LHX2: variants seen among roughly 807,000 people sequenced by gnomAD.
The protein encoded by LHX2 is LIM/homeobox protein Lhx2.
In LHX2, 6 loss-of-function variants were observed where a neutral mutation model predicts 33.0. The ratio of observed to expected loss-of-function variants is 0.18; its 90% CI spans 0.10 to 0.36. The LOEUF (loss-of-function observed/expected upper bound fraction) is 0.36. Among genes scored for constraint, LHX2 ranks in the 10% least tolerant of loss-of-function variants. LHX2 has a pLI of 1.00. For synonymous variants in LHX2, 292 were observed against 253.1 expected (o/e 1.15, Z -1.46); for missense variants, 442 against 586.2 (o/e 0.75, Z 2.54).
At chr9:124,029,220 G>A (rs1172670065) in intron 4 of LHX2, among the ~76,000 whole-genome samples, 1 of 152,192 alleles carries the variant, frequency 6.6e-6, no homozygotes, top group South Asian at 2.1e-4. Context: ...CTGTGGCAGT[G>A]CATGCTGGAG....
At chr9:124,020,270 T>C (rs1157277274) in intron 3 of LHX2, among the ~76,000 whole-genome samples, 1 of 152,130 alleles carries the variant, frequency 6.6e-6, no homozygotes, top group Admixed American at 6.6e-5. Flanking sequence ...CATGTTTATT[T>C]CTGCCTCGGA....
rs770110203 is a variant in LHX2 at position 124,015,254 on chromosome 9, G to A, written c.456G>A (p.Thr152=). The A allele has an allele frequency of 5.0e-6, 8 of 1,614,044 alleles. No individual in the cohort carries two copies. The highest frequency in any genetic ancestry group is 5.9e-6 in the Non-Finnish European group (7 of 1,180,042). ...TCTTCNKMLT[T]GDHFGMKDSL... ...CCACGTGTAACAAGATGCTGACCACGGGCGACCACTTCGGCATGAAGGACA... is the reference window on the plus strand; with the variant it reads ...CCACGTGTAACAAGATGCTGACCACAGGCGACCACTTCGGCATGAAGGACA... The change falls in exon 3 of 5, where the codon ACG becomes ACA. Residue 152 remains threonine (T), a synonymous_variant. Coordinates refer to ENST00000373615, the MANE Select transcript of LHX2 (RefSeq NM_004789.4). The surrounding 1 kb of genome is among the most constrained non-coding windows in gnomAD (Gnocchi z 7.9).
At chr9:124,020,519 C>T (rs1256828661) in intron 3 of LHX2, among the ~76,000 whole-genome samples, 1 of 152,088 alleles carries the variant, frequency 6.6e-6, no homozygotes, top group Admixed American at 6.6e-5. Flanking sequence ...TTTCTAGGTG[C>T]CGGTCCCAGA....
rs887606540 is a variant in LHX2 at position 124,015,523 on chromosome 9, C to T, written c.725C>T (p.Ala242Val). 2.1e-6 allele frequency: 3 copies of T among 1,459,158 alleles called. No homozygotes were observed. Among genetic ancestry groups the T allele is most frequent in the South Asian group, 2.9e-5 (2 of 68,876 alleles). The allele number at this position is 1,459,158 out of a possible 1,614,324, so 90.4% of individuals were successfully genotyped here. ...GGTGCGGATCTGGCGGCCTACAACG[C>T]TGGTGAGTGCGCGGCGCACGAAGCG... Reference protein sequence around the residue: ...GPGADLAAYNAALSCNENDAE... With the variant: ...GPGADLAAYNVALSCNENDAE... The change falls in exon 3 of 5, where the codon GCT becomes GTT. Residue 242 changes from alanine to valine, a missense_variant and splice_region_variant. Coordinates refer to ENST00000373615, the MANE Select transcript of LHX2 (RefSeq NM_004789.4). This position sits in a 1 kb window ranked among gnomAD's most constrained non-coding sequence, Gnocchi z 7.9.
At position 124,012,291 on chromosome 9, in the gene LHX2, C is replaced by CG. The variant is rs1859104298; in HGVS notation, c.-52dup. On this transcript the variant is annotated 5_prime_UTR_variant, in exon 1 of 5. Transcript: ENST00000373615. This position sits in a 1 kb window ranked among gnomAD's most constrained non-coding sequence, Gnocchi z 4.3. ...CGCCAGGAGCGCCAGGCAGCTGAGG[C>CG]GGGGGGCAAGCCCTCCCTCGGAGGA... is the stretch of plus-strand genomic sequence containing the variant. The CG allele has an allele frequency of 3.7e-5, 53 of 1,436,428 alleles. No individual in the cohort carries two copies. The highest frequency in any genetic ancestry group is 2.5e-4 in the Middle Eastern group (1 of 4,014). The allele number at this position is 1,436,428 out of a possible 1,614,324, so 89.0% of individuals were successfully genotyped here. A position where few individuals can be genotyped will look rare whatever the true frequency, so the allele number is the denominator to read the frequency against.
chr9:124,014,618 A>T lies in LHX2; in HGVS notation c.323+455A>T, dbSNP rs890773671. On this transcript the variant is annotated intron_variant, in intron 2 of 4. Transcript: ENST00000373615. This position sits in a 1 kb window ranked among gnomAD's most constrained non-coding sequence, Gnocchi z 4.8. ...AAAATGGGAATGAAAGGTGGCCAAG[A>T]TCAAAGAACCAGAATCACTAGTAGA... Among the ~76,000 whole-genome samples, 2 of 152,200 alleles carry T rather than the reference A, an allele frequency of 1.3e-5. No homozygotes were observed. Among genetic ancestry groups the T allele is most frequent in the African/African-American group, 4.8e-5 (2 of 41,442 alleles).
intron 4 of LHX2, among the ~76,000 whole-genome samples, chr9:124,028,501 A>G (rs1037927361): frequency 6.6e-6 from 1 of 152,114 alleles, no homozygotes; most frequent in African/African-American, 2.4e-5. Context: ...AGCCATAGAG[A>G]TCGTATGATG....
chr9:124,021,054 G>A (rs1315232501), intron 3 of LHX2, 45 bp from the exon 4 acceptor site: 11 of 1,581,046 alleles, frequency 7.0e-6, no homozygotes, highest in Non-Finnish European at 9.6e-6. Flanking sequence ...TGGCATGGGG[G>A]GCGGGTCAGG....
chr9:124,013,988 G>T lies in LHX2; in HGVS notation c.148G>T (p.Ala50Ser). ...CATGCCGTCCATCAGCAGTGACCGC[G>T]CCGCGCTGTGCGCCGGCTGCGGGGG... ...TTMPSISSDRAALCAGCGGKI... is the reference protein window; with the variant it reads ...TTMPSISSDRSALCAGCGGKI... Residue 50 changes from alanine (A) to serine (S), a missense_variant, in exon 2 of 5, where the codon GCC becomes TCC. Coordinates refer to ENST00000373615, the MANE Select transcript of LHX2 (RefSeq NM_004789.4). 6.2e-7 allele frequency: 1 copy of T among 1,613,184 alleles called. No homozygotes were observed. Among genetic ancestry groups the T allele is most frequent in the Non-Finnish European group, 8.5e-7 (1 of 1,179,982 alleles).
intron 4 of LHX2, among the ~76,000 whole-genome samples, chr9:124,027,628 C>T (rs1156305199): frequency 6.6e-6 from 1 of 152,114 alleles, no homozygotes; most frequent in East Asian, 1.9e-4. Context: ...ACCATCCTGG[C>T]TAATACAGTG....
At chr9:124,027,554 C>G (rs527638450) in intron 4 of LHX2, among the ~76,000 whole-genome samples, 1 of 152,290 alleles carries the variant, frequency 6.6e-6, no homozygotes, top group African/African-American at 2.4e-5. Flanking sequence ...TGTGGTGTCT[C>G]CTGCCTGTAA....
Position 124,014,287 on chromosome 9 carries a change from T to TCCCCCC in LHX2, c.323+127_323+132dup, listed in dbSNP as rs369078188. ...GGTTCACTACTCAGGACTCCCCCGC[T>TCCCCCC]CCCCCCCCAAGTTCTCCAAGCCACC... is the stretch of plus-strand genomic sequence containing the variant. On this transcript the variant is annotated intron_variant, in intron 2 of 4. Coordinates refer to ENST00000373615, the MANE Select transcript of LHX2 (RefSeq NM_004789.4). This position sits in a 1 kb window ranked among gnomAD's most constrained non-coding sequence, Gnocchi z 4.8. 4 of 587,756 alleles carry TCCCCCC rather than the reference T, an allele frequency of 6.8e-6. No individual in the cohort carries two copies. The highest frequency in any genetic ancestry group is 4.1e-5 in the African/African-American group (2 of 48,830). 36.4% of individuals were successfully genotyped at this position (587,756 alleles called of 1,614,324 possible).
In LHX2 at chr9:124,032,749, ATTATCT is replaced by A. The variant is rs769126288; in HGVS notation, c.*46_*51del. The A allele has an allele frequency of 1.7e-5, 26 of 1,511,946 alleles. No individual in the cohort carries two copies. The highest frequency in any genetic ancestry group is 1.6e-4 in the Admixed American group (7 of 45,086). 93.7% of individuals were successfully genotyped at this position (1,511,946 alleles called of 1,614,324 possible). ...ACCCCACAATTTCTTTAAAAAAGAA[ATTATCT>A]TTAGTTGAATTCCAAGTGTATTTTA... On this transcript the variant is annotated 3_prime_UTR_variant, in exon 5 of 5. Transcript: ENST00000373615. The surrounding 1 kb of genome is among the most constrained non-coding windows in gnomAD (Gnocchi z 4.1).
chr9:124,013,892 G>T, intron 1 of LHX2, 69 bp from the exon 2 acceptor site: 1 of 1,487,116 alleles, frequency 6.7e-7, no homozygotes, highest in Non-Finnish European at 9.2e-7. Flanking sequence ...GTGGGTGCCG[G>T]TTTCCCGGCG....
intron 3 of LHX2, 101 bp from the exon 4 acceptor site, chr9:124,020,998 G>C: frequency 2.0e-6 from 2 of 1,012,776 alleles, no homozygotes; most frequent in Middle Eastern, 2.2e-4. Context: ...CATGCAGCAG[G>C]GTTAAGGATT....
Position 124,014,196 on chromosome 9 carries a change from C to A in LHX2, c.323+33C>A. 2 of 1,404,656 alleles carry A rather than the reference C, an allele frequency of 1.4e-6. No homozygotes were observed. Among genetic ancestry groups the A allele is most frequent in the South Asian group, 1.2e-5 (1 of 86,230 alleles). 87.0% of individuals were successfully genotyped at this position (1,404,656 alleles called of 1,614,324 possible). On this transcript the variant is annotated intron_variant, in intron 2 of 4. Transcript: ENST00000373615. The surrounding 1 kb of genome is among the most constrained non-coding windows in gnomAD (Gnocchi z 4.8). ...CCCCACCCAACTGCCCCTCAGGACC[C>A]CTCCCCCCAATCTCAGGCACAGTCT...
rs1473543576 is a variant in LHX2 at position 124,016,734 on chromosome 9, C to T, written c.727+1209C>T. Among the ~76,000 whole-genome samples the T allele has an allele frequency of 6.6e-6, 1 of 152,114 alleles. No homozygotes were observed. The highest frequency in any genetic ancestry group is 1.5e-5 in the Non-Finnish European group (1 of 68,016). ...TGCGGAACTGGGAGGAAAACGCAGC[C>T]CCCAGTTTGGTAAATGGTGAAGCAG... On this transcript the variant is annotated intron_variant, in intron 3 of 4. Transcript: ENST00000373615. The surrounding 1 kb of genome is among the most constrained non-coding windows in gnomAD (Gnocchi z 4.4).
At position 124,015,426 on chromosome 9, in the gene LHX2, G is replaced by C; in HGVS notation, c.628G>C (p.Gly210Arg). Residue 210 changes from glycine (G) to arginine (R), a missense_variant, in exon 3 of 5, where the codon GGT becomes CGT. Coordinates refer to ENST00000373615, the MANE Select transcript of LHX2 (RefSeq NM_004789.4). This position sits in a 1 kb window ranked among gnomAD's most constrained non-coding sequence, Gnocchi z 7.9. The stretch of plus-strand genomic sequence containing the variant: ...GGGCGCAGCAGGGGCCAACCCTCTG[G>C]GTCTTCCCTACTACAATGGCGTGGG... ...GLGAAGANPL[G>R]LPYYNGVGTV... The C allele has an allele frequency of 6.3e-7, 1 of 1,596,998 alleles. No individual in the cohort carries two copies. The highest frequency in any genetic ancestry group is 8.5e-7 in the Non-Finnish European group (1 of 1,171,838).
intron 4 of LHX2, among the ~76,000 whole-genome samples, chr9:124,027,793 G>C (rs1011622028): frequency 5.9e-5 from 9 of 151,950 alleles, no homozygotes; most frequent in Admixed American, 4.6e-4. Context: ...ACTCCAGCCT[G>C]GGCAACAGAG....
Sources: allele counts gnomAD v4.1 joint callset (sites outside exome capture counted in the v4.1 genomes callset), GRCh38; gene constraint gnomAD v4.1.1; non-coding constraint Gnocchi (gnomAD v3.1); transcripts MANE v1.5; gene names NCBI Gene and HGNC (gene_info 2026-07-23, HGNC 2026-07-21).